The following TMEM132D variants were observed in gnomAD, a reference collection of about 807,000 sequenced individuals.
The protein encoded by TMEM132D is transmembrane protein 132D, also known as mature OL transmembrane protein.
In TMEM132D, 21 loss-of-function variants were observed where a neutral mutation model predicts 62.3. The observed-to-expected ratio is 0.34, with a 90% CI of 0.24 to 0.49. TMEM132D has a LOEUF of 0.49. Among genes scored for constraint, TMEM132D ranks in the 20% least tolerant of loss-of-function variants. The pLI is 0.99. For missense variants in TMEM132D, 1,346 were observed against 1,402.8 expected (o/e 0.96, Z 0.65); for synonymous variants, 621 against 575.6 (o/e 1.08, Z -1.13).
chr12:129,266,794 T>A (rs1291906350), intron 4 of TMEM132D, among the ~76,000 whole-genome samples: 2 of 152,084 alleles, frequency 1.3e-5, no homozygotes, highest in South Asian at 2.1e-4. Context: ...ACCTCCTAAA[T>A]GCACCACAGA....
At chr12:129,287,107 A>C (rs1163504985) in intron 4 of TMEM132D, among the ~76,000 whole-genome samples, 1 of 152,130 alleles carries the variant, frequency 6.6e-6, no homozygotes, top group Non-Finnish European at 1.5e-5. Context: ...ATTCCAGCCT[A>C]AAACAGAAAA....
chr12:129,302,020 C>G (rs1315681856), intron 4 of TMEM132D, among the ~76,000 whole-genome samples: 1 of 152,150 alleles, frequency 6.6e-6, no homozygotes, highest in Non-Finnish European at 1.5e-5. Flanking sequence ...AGGACATAAA[C>G]TACAGCTACT....
At chr12:129,526,745 T>C (rs1399349319) in intron 3 of TMEM132D, among the ~76,000 whole-genome samples, 1 of 152,208 alleles carries the variant, frequency 6.6e-6, no homozygotes, top group Non-Finnish European at 1.5e-5. Context: ...TCCAGGAAGG[T>C]TGCCTAAAAA....
chr12:129,663,122 C>T (rs12312923), intron 2 of TMEM132D, among the ~76,000 whole-genome samples: 3,940 of 152,078 alleles, frequency 0.026, 178 homozygotes, highest in African/African-American at 0.089. Context: ...AAAGGCATAG[C>T]CCAGCAACGT....
At chr12:129,605,148 A>AT (rs988130634) in intron 2 of TMEM132D, among the ~76,000 whole-genome samples, 1 of 151,974 alleles carries the variant, frequency 6.6e-6, no homozygotes, top group South Asian at 2.1e-4. Flanking sequence ...CCGGTTTCAG[A>AT]TTTTTTTGTC....
At chr12:129,192,624 T>C (rs1486632607) in intron 5 of TMEM132D, among the ~76,000 whole-genome samples, 4 of 152,226 alleles carry the variant, frequency 2.6e-5, no homozygotes, top group African/African-American at 9.6e-5. Flanking sequence ...CATTGGTGTC[T>C]CTTCTTATTA....
chr12:129,720,835 C>T (rs1868796784), intron 1 of TMEM132D, among the ~76,000 whole-genome samples: 3 of 152,210 alleles, frequency 2.0e-5, no homozygotes, highest in Admixed American at 2.0e-4. Context: ...ACCTATAAAT[C>T]AATAATCAAC....
In TMEM132D at chr12:129,816,414, G is replaced by A. The variant is rs564598045; in HGVS notation, c.79+86847C>T. Reference sequence around the variant, plus strand: ...CAGCTGGGTGACTTCCTCCGTATGCGAGATCACCATCGCCCCGCTTCTGAA... The same window carrying A: ...CAGCTGGGTGACTTCCTCCGTATGCAAGATCACCATCGCCCCGCTTCTGAA... On this transcript the variant is annotated intron_variant, in intron 1 of 8. Transcript: ENST00000422113. 2.3e-4 allele frequency among the ~76,000 whole-genome samples: 35 copies of A among 152,220 alleles called. 1 individual carries two copies. The South Asian group carries it at 7.3e-3, about 32-fold the overall frequency.
At chr12:129,525,076 C>T (rs1466028250) in intron 3 of TMEM132D, among the ~76,000 whole-genome samples, 2 of 149,620 alleles carry the variant, frequency 1.3e-5, no homozygotes. Context: ...CAGGCGCCCG[C>T]CACCACACTC....
intron 1 of TMEM132D, among the ~76,000 whole-genome samples, chr12:129,721,543 T>C (rs559742212): frequency 6.6e-6 from 1 of 152,226 alleles, no homozygotes; most frequent in Admixed American, 6.5e-5. Context: ...GGGCAGAGGA[T>C]GTGCTGCTGG....
intron 5 of TMEM132D, among the ~76,000 whole-genome samples, chr12:129,095,353 T>TC (rs989090784): frequency 7.0e-6 from 1 of 143,342 alleles, no homozygotes; most frequent in Non-Finnish European, 1.5e-5. Flanking sequence ...CTGGTTTTTT[T>TC]TTTTTTTTTT....
chr12:129,332,511 C>T (rs1238933817), intron 4 of TMEM132D, among the ~76,000 whole-genome samples: 1 of 152,016 alleles, frequency 6.6e-6, no homozygotes, highest in Non-Finnish European at 1.5e-5. Context: ...CTCAAGTGGA[C>T]CTCAGATCCT....
Position 129,251,376 on chromosome 12 carries a change from AAAAAAAAG to A in TMEM132D, c.1300-41721_1300-41714del, listed in dbSNP as rs1267083751. ...CTGTCTCAAAAAAAAAAAAAAAAAA[AAAAAAAAG>A]AAGAGAGAAAAGGGAAGCTGTTACG... On this transcript the variant is annotated intron_variant, in intron 4 of 8. Coordinates refer to ENST00000422113, the MANE Select transcript of TMEM132D (RefSeq NM_133448.3). Among the ~76,000 whole-genome samples, 66 of 151,408 alleles carry A rather than the reference AAAAAAAAG, an allele frequency of 4.4e-4. No homozygotes were observed. In the South Asian group the frequency reaches 0.01, roughly 23 times the overall value.
At chr12:129,243,813 T>A (rs1879999165) in intron 4 of TMEM132D, among the ~76,000 whole-genome samples, 1 of 152,188 alleles carries the variant, frequency 6.6e-6, no homozygotes, top group Non-Finnish European at 1.5e-5. Flanking sequence ...TTGATTAACT[T>A]TTTATTGGTT....
intron 2 of TMEM132D, among the ~76,000 whole-genome samples, chr12:129,635,966 G>T (rs1879465612): frequency 6.6e-6 from 1 of 152,216 alleles, no homozygotes; most frequent in South Asian, 2.1e-4. Flanking sequence ...CAATTACAGG[G>T]CATAAGTGGA....
chr12:129,748,048 A>G (rs1869873853), intron 1 of TMEM132D, among the ~76,000 whole-genome samples: 2 of 152,182 alleles, frequency 1.3e-5, no homozygotes, highest in African/African-American at 4.8e-5. Context: ...TGCATTTGCA[A>G]CAGGGCTTGG....
intron 4 of TMEM132D, among the ~76,000 whole-genome samples, chr12:129,252,504 A>C (rs940979718): frequency 6.6e-6 from 1 of 152,206 alleles, no homozygotes; most frequent in African/African-American, 2.4e-5. Flanking sequence ...TCTCAGAAAG[A>C]TTCTACATTC....
intron 1 of TMEM132D, among the ~76,000 whole-genome samples, chr12:129,767,036 G>A (rs148761320): frequency 1.3e-3 from 191 of 152,326 alleles, no homozygotes; most frequent in African/African-American, 4.4e-3. Context: ...TACACTGCCC[G>A]TGGAGTAGCC....
intron 3 of TMEM132D, among the ~76,000 whole-genome samples, chr12:129,456,939 A>C (rs987786010): frequency 6.6e-6 from 1 of 152,200 alleles, no homozygotes; most frequent in Admixed American, 6.5e-5. Flanking sequence ...GTCAGGAAAC[A>C]ACAGGTGCTG....
Sources: allele counts gnomAD v4.1 joint callset (sites outside exome capture counted in the v4.1 genomes callset), GRCh38; gene constraint gnomAD v4.1.1; transcripts MANE v1.5; gene names NCBI Gene and HGNC (gene_info 2026-07-23, HGNC 2026-07-21).